Variants in MTF2 observed in about 807,000 individuals in gnomAD.
MTF2 encodes metal response element binding transcription factor 2.
In MTF2, 11 loss-of-function variants were observed where a neutral mutation model predicts 79.5. That is an observed-to-expected ratio of 0.14 (90% CI 0.09 to 0.23). The LOEUF (loss-of-function observed/expected upper bound fraction) is 0.23. Among genes scored for constraint, MTF2 ranks in the 10% least tolerant of loss-of-function variants. MTF2 has a pLI of 1.00. For synonymous variants in MTF2, 208 were observed against 232.8 expected (o/e 0.89, Z 0.97); for missense variants, 486 against 711.2 (o/e 0.68, Z 3.60).
intron 6 of MTF2, 84 bp from the exon 7 acceptor site, chr1:93,118,261 C>CTTTTTTTT: frequency 2.0e-6 from 1 of 505,106 alleles, no homozygotes; most frequent in Non-Finnish European, 3.1e-6. Flanking sequence ...GATTAGGCCA[C>CTTTTTTTT]TTTTTTTTTT....
chr1:93,134,036 A>G (rs1345288504), intron 13 of MTF2, 55 bp from the exon 14 acceptor site: 113 of 1,545,784 alleles, frequency 7.3e-5, no homozygotes, highest in East Asian at 1.4e-4. Context: ...GTAGATATTA[A>G]TATTTGTTTG....
intron 1 of MTF2, among the ~76,000 whole-genome samples, chr1:93,082,852 C>T (rs1654664079): frequency 6.6e-6 from 1 of 152,124 alleles, no homozygotes; most frequent in East Asian, 1.9e-4. Flanking sequence ...AATCCATTAA[C>T]AGTCAGTCCC....
intron 1 of MTF2, chr1:93,081,027 A>T (rs1029929750): frequency 1.7e-4 from 26 of 152,290 alleles, no homozygotes; most frequent in East Asian, 5.8e-4. Context: ...GCAGTTTTTT[A>T]AAGTGCTAAA....
Position 93,079,497 on chromosome 1 carries a change from T to C in MTF2, c.-30T>C. 6.2e-7 allele frequency: 1 copy of C among 1,613,882 alleles called. No homozygotes were observed. The highest frequency in any genetic ancestry group is 8.5e-7 in the Non-Finnish European group (1 of 1,179,972). On this transcript the variant is annotated 5_prime_UTR_variant, in exon 1 of 15. An upstream start codon of the reference 5' UTR is lost. Transcript: ENST00000370298. The stretch of plus-strand genomic sequence containing the variant: ...GACGGATTGGTTGTTTTTTCCTGTA[T>C]GAAGCGGTTGGCACCACTGAAGTGA...
intron 1 of MTF2, among the ~76,000 whole-genome samples, chr1:93,109,581 C>T (rs901594540): frequency 9.2e-5 from 14 of 152,154 alleles, no homozygotes; most frequent in African/African-American, 2.4e-4. Flanking sequence ...GTGATCCACC[C>T]GCCTCAGCCT....
Position 93,136,829 on chromosome 1 carries a change from T to G in MTF2, c.1584T>G (p.Asp528Glu). The G allele has an allele frequency of 1.2e-6, 2 of 1,614,214 alleles. No individual in the cohort carries two copies. Among genetic ancestry groups the G allele is most frequent in the Non-Finnish European group, 1.7e-6 (2 of 1,180,028 alleles). Residue 528 changes from aspartate to glutamate, a missense_variant, in exon 15 of 15, where the codon GAT (aspartate) becomes GAG (glutamate). Transcript: ENST00000370298. Reference sequence around the variant, plus strand: ...AAGGCAAAGAAGATTATCAGTTTGATGAACTCAACACAGAGATTCTGAATA... The same window carrying G: ...AAGGCAAAGAAGATTATCAGTTTGAGGAACTCAACACAGAGATTCTGAATA... ...DDEGKEDYQF[D>E]ELNTEILNNL...
Position 93,109,029 on chromosome 1 carries a change from A to G in MTF2, c.6-1201A>G, listed in dbSNP as rs1368897474. Among the ~76,000 whole-genome samples the G allele has an allele frequency of 2.0e-5, 3 of 152,298 alleles. No homozygotes were observed. The East Asian group carries it at 5.8e-4, about 29-fold the overall frequency. On this transcript the variant is annotated intron_variant, in intron 1 of 14. Coordinates refer to ENST00000370298, the MANE Select transcript of MTF2 (RefSeq NM_007358.4). The stretch of plus-strand genomic sequence containing the variant: ...GTATTTTTAGATATTGAAGTTAGAT[A>G]TTCCTAATACTTAGGAACTTTTTGA...
Position 93,119,383 on chromosome 1 carries a change from A to G in MTF2, c.779A>G (p.Lys260Arg), listed in dbSNP as rs775805505. 9.4e-6 allele frequency: 15 copies of G among 1,604,156 alleles called. 1 individual carries two copies. In the East Asian group the frequency reaches 2.0e-4, roughly 22 times the overall value. The change falls in exon 8 of 15, where the codon AAA (lysine) becomes AGA (arginine). Residue 260 changes from lysine (K) to arginine (R), a missense_variant. Around this residue, in one of 4 missense-constraint regions of MTF2, gnomAD observed 177 missense variants for 364.0 expected, o/e 0.49. Coordinates refer to ENST00000370298, the MANE Select transcript of MTF2 (RefSeq NM_007358.4). Reference protein sequence around the residue: ...SVCSSGPEYLKRLPLQWVDIA... With the variant: ...SVCSSGPEYLRRLPLQWVDIA... ...TGCAGTTCTGGACCAGAATACCTCA[A>G]ACGTCTACCATTACAGTGGTAAGTG...
intron 1 of MTF2, among the ~76,000 whole-genome samples, chr1:93,099,628 G>A (rs775885377): frequency 1.3e-5 from 2 of 152,166 alleles, no homozygotes; most frequent in African/African-American, 2.4e-5. Flanking sequence ...AAATAGATAT[G>A]CAAGGTTTAT....
At chr1:93,110,520 C>A in intron 2 of MTF2, 25 bp from the exon 3 acceptor site, 1 of 1,602,500 alleles carries the variant, frequency 6.2e-7, no homozygotes, top group South Asian at 1.1e-5. Flanking sequence ...AAGAGATCAC[C>A]GTTAAGTATT....
chr1:93,121,463 A>G (rs1306639220), intron 9 of MTF2: 2 of 969,242 alleles, frequency 2.1e-6, no homozygotes, highest in Non-Finnish European at 2.5e-6. Context: ...GCTTTTTTTT[A>G]GGTAAAAATT....
intron 14 of MTF2, among the ~76,000 whole-genome samples, chr1:93,135,331 T>G (rs1647347881): frequency 6.6e-6 from 1 of 152,210 alleles, no homozygotes; most frequent in Non-Finnish European, 1.5e-5. Flanking sequence ...CTATTTGGGG[T>G]CAGAGCTACT....
chr1:93,115,214 C>T (rs1204753161), intron 5 of MTF2, 126 bp downstream of exon 5: 1 of 742,586 alleles, frequency 1.3e-6, no homozygotes, highest in Non-Finnish European at 2.1e-6. Context: ...GAAAGAGGTG[C>T]TATTTATTTG....
rs1462212688 is a variant in MTF2 at position 93,100,332 on chromosome 1, TCTCA to T, written c.6-9894_6-9891del. On this transcript the variant is annotated intron_variant, in intron 1 of 14. Coordinates refer to ENST00000370298, the MANE Select transcript of MTF2 (RefSeq NM_007358.4). ...TTGTTTGTTTGTTTTTGAGACAGAG[TCTCA>T]CTCTGTCGCCCAGGCTGGAGTGCAG... Among the ~76,000 whole-genome samples, 4 of 152,064 alleles carry T rather than the reference TCTCA, an allele frequency of 2.6e-5. No individual in the cohort carries two copies. In the South Asian group the frequency reaches 8.3e-4, roughly 31 times the overall value.
At chr1:93,127,363 C>A in intron 10 of MTF2, 64 bp downstream of exon 10, 1 of 1,066,430 alleles carries the variant, frequency 9.4e-7, no homozygotes, top group Non-Finnish European at 1.4e-6. Flanking sequence ...GGAATAATGG[C>A]ATTGTTTAAG....
intron 1 of MTF2, among the ~76,000 whole-genome samples, chr1:93,102,843 T>G (rs1450334336): frequency 4.0e-5 from 6 of 151,786 alleles, no homozygotes; most frequent in Non-Finnish European, 7.4e-5. Context: ...AGCCATGAAA[T>G]TTTATGGGCC....
intron 1 of MTF2, among the ~76,000 whole-genome samples, chr1:93,109,625 G>A (rs112444280): frequency 1.3e-5 from 2 of 151,956 alleles, no homozygotes; most frequent in South Asian, 2.1e-4. Flanking sequence ...ATGAGCCACC[G>A]CACCTGGCCT....
Position 93,118,438 on chromosome 1 carries a change from C to T in MTF2, c.726C>T (p.Asp242=). The T allele has an allele frequency of 2.5e-6, 4 of 1,586,274 alleles. No individual in the cohort carries two copies. Among genetic ancestry groups the T allele is most frequent in the Non-Finnish European group, 3.4e-6 (4 of 1,166,260 alleles). ...QCLQKPMLFG[D]RFYTFICSVC... is the part of the protein sequence containing the mutation. ...TTCAAAAGCCAATGCTATTTGGAGA[C>T]AGGTGAGAAGGGCATTTGAACTTTA... Residue 242 remains aspartate, a splice_region_variant and synonymous_variant, in exon 7 of 15, where the codon GAC becomes GAT. Transcript: ENST00000370298.
chr1:93,095,063 A>G (rs1655228049), intron 1 of MTF2, among the ~76,000 whole-genome samples: 1 of 151,982 alleles, frequency 6.6e-6, no homozygotes, highest in Admixed American at 6.6e-5. Flanking sequence ...CCAGGCTGGA[A>G]TACAGTGGCT....
Sources: gnomAD v4.1 joint callset for allele counts (sites outside exome capture counted in the v4.1 genomes callset) on GRCh38, gnomAD v4.1.1 for gene constraint, gnomAD v4.1.1 regional missense constraint, MANE v1.5 for transcripts, NCBI Gene and HGNC (gene_info 2026-07-23, HGNC 2026-07-21) for gene names.